The following CDH4 variants were observed in gnomAD, a reference collection of about 807,000 sequenced individuals.
CDH4 encodes cadherin 4.
A neutral mutation model predicts 86.0 loss-of-function variants in CDH4; 33 were observed. That is an observed-to-expected ratio of 0.38 (90% CI 0.29 to 0.51). The LOEUF is 0.51. Ranked by LOEUF, CDH4 falls within the 20% of genes least tolerant of loss-of-function variation. The probability of loss-of-function intolerance (pLI) is 0.86; values close to 1 mark genes in which losing one functional copy is unlikely to be tolerated. For missense variants in CDH4, 1,114 were observed against 1,307.4 expected (o/e 0.85, Z 2.28); for synonymous variants, 555 against 549.4 (o/e 1.01, Z -0.14).
At chr20:61,813,010 G>A (rs117593771) in intron 4 of CDH4, among the ~76,000 whole-genome samples, 8 of 152,246 alleles carry the variant, frequency 5.3e-5, no homozygotes, top group Non-Finnish European at 1.0e-4. Context: ...TCTCCGGGCC[G>A]CAGGGCTGGG....
intron 2 of CDH4, among the ~76,000 whole-genome samples, chr20:61,397,868 C>T (rs1306510043): frequency 6.6e-6 from 1 of 152,144 alleles, no homozygotes; most frequent in African/African-American, 2.4e-5. Context: ...GGTACTGAAA[C>T]TTTAGCATGA....
chr20:61,829,789 C>G lies in CDH4; in HGVS notation c.577-14879C>G, dbSNP rs1232789157. Among the ~76,000 whole-genome samples the G allele has an allele frequency of 6.6e-6, 1 of 152,118 alleles. No homozygotes were observed. Among genetic ancestry groups the G allele is most frequent in the African/African-American group, 2.4e-5 (1 of 41,424 alleles). The stretch of plus-strand genomic sequence containing the variant: ...TCCAGCTTTGGGGCTGATGGCTCTG[C>G]CCCCAGGGAGTCTGTGCAGCCCTCC... On this transcript the variant is annotated intron_variant, in intron 4 of 15. Transcript: ENST00000614565. This position sits in a 1 kb window ranked among gnomAD's most constrained non-coding sequence, Gnocchi z 4.2.
chr20:61,497,292 T>C (rs923712050), intron 2 of CDH4, among the ~76,000 whole-genome samples: 11 of 152,222 alleles, frequency 7.2e-5, no homozygotes, highest in African/African-American at 2.2e-4. Flanking sequence ...TTGTGATGTC[T>C]CTTTTCCTGC....
At chr20:61,903,296 A>G (rs1019601717) in intron 8 of CDH4, among the ~76,000 whole-genome samples, 5 of 152,168 alleles carry the variant, frequency 3.3e-5, no homozygotes, top group African/African-American at 1.2e-4. Flanking sequence ...CTGTAATCCC[A>G]GCACTTTGGG....
At chr20:61,638,690 T>G (rs957591776) in intron 2 of CDH4, among the ~76,000 whole-genome samples, 1 of 152,190 alleles carries the variant, frequency 6.6e-6, no homozygotes, top group Non-Finnish European at 1.5e-5. Flanking sequence ...CTGCCCACAT[T>G]GTGAGTTAAA....
rs1441684040 is a variant in CDH4 at position 61,811,877 on chromosome 20, G to A, written c.577-32791G>A. 6.6e-6 allele frequency among the ~76,000 whole-genome samples: 1 copy of A among 151,934 alleles called. No individual in the cohort carries two copies. The highest frequency in any genetic ancestry group is 2.4e-5 in the African/African-American group (1 of 41,338). On this transcript the variant is annotated intron_variant, in intron 4 of 15. Coordinates refer to ENST00000614565, the MANE Select transcript of CDH4 (RefSeq NM_001794.5). This position sits in a 1 kb window ranked among gnomAD's most constrained non-coding sequence, Gnocchi z 4.4. Reference sequence around the variant, plus strand: ...AGTAGAGATGGGGTTTCACCATGTTGGCCAGGCTGGTCTCGAACTCCTGAC... The same window carrying A: ...AGTAGAGATGGGGTTTCACCATGTTAGCCAGGCTGGTCTCGAACTCCTGAC...
At chr20:61,842,959 C>A (rs562485486) in intron 4 of CDH4, among the ~76,000 whole-genome samples, 1 of 152,158 alleles carries the variant, frequency 6.6e-6, no homozygotes, top group Non-Finnish European at 1.5e-5. Flanking sequence ...TTTTTAAAAG[C>A]CTCTAAAAAT....
At chr20:61,412,298 G>A (rs972945603) in intron 2 of CDH4, among the ~76,000 whole-genome samples, 6 of 152,166 alleles carry the variant, frequency 3.9e-5, no homozygotes, top group Non-Finnish European at 7.4e-5. Flanking sequence ...CCCCAGAGCC[G>A]TCTGTGCAGT....
chr20:61,563,426 C>G (rs1239792037), intron 2 of CDH4, among the ~76,000 whole-genome samples: 2 of 152,252 alleles, frequency 1.3e-5, no homozygotes, highest in African/African-American at 4.8e-5. Context: ...TTCTCCCTCA[C>G]TTGCTCCAGG....
At chr20:61,835,873 A>C (rs1307795647) in intron 4 of CDH4, among the ~76,000 whole-genome samples, 2 of 152,150 alleles carry the variant, frequency 1.3e-5, no homozygotes, top group African/African-American at 4.8e-5. Context: ...CACTGTGTTA[A>C]GGGCTCCCCA....
intron 2 of CDH4, among the ~76,000 whole-genome samples, chr20:61,647,556 TCCCTCTCCCTCTCCCTCCCTCC>T (rs1398386547): frequency 5.7e-5 from 6 of 105,784 alleles, no homozygotes; most frequent in African/African-American, 1.7e-4. Flanking sequence ...CCTCTCCCTC[TCCCTCTCCCTCTCCCTCCCTCC>T]CCCTCTCCTC....
At chr20:61,509,188 G>T (rs948853290) in intron 2 of CDH4, among the ~76,000 whole-genome samples, 16 of 152,120 alleles carry the variant, frequency 1.1e-4, no homozygotes, top group Admixed American at 1.0e-3. Context: ...CTCTGAGACG[G>T]CAGAGGACTT....
At chr20:61,385,820 G>T (rs989131112) in intron 2 of CDH4, among the ~76,000 whole-genome samples, 4 of 144,636 alleles carry the variant, frequency 2.8e-5, no homozygotes. Context: ...TTTAACGTAG[G>T]TGTCATTTAC....
At chr20:61,696,379 G>T (rs2087715014) in intron 2 of CDH4, among the ~76,000 whole-genome samples, 1 of 152,240 alleles carries the variant, frequency 6.6e-6, no homozygotes, top group South Asian at 2.1e-4. Context: ...GGCAGGTGCA[G>T]CACCCCTGGT....
intron 2 of CDH4, among the ~76,000 whole-genome samples, chr20:61,619,478 G>A (rs1162477625): frequency 6.6e-6 from 1 of 152,164 alleles, no homozygotes; most frequent in Non-Finnish European, 1.5e-5. Context: ...ATGATGATTA[G>A]AACTCTCTGA....
chr20:61,822,974 G>C (rs994058333), intron 4 of CDH4, among the ~76,000 whole-genome samples: 4 of 152,234 alleles, frequency 2.6e-5, no homozygotes, highest in Non-Finnish European at 4.4e-5. Context: ...GCAGAACTGG[G>C]GAATGCAGGT....
intron 2 of CDH4, among the ~76,000 whole-genome samples, chr20:61,710,121 G>A (rs954772424): frequency 4.6e-5 from 7 of 152,054 alleles, no homozygotes; most frequent in Admixed American, 2.0e-4. Context: ...AAGCCCTGCC[G>A]GGCGGGTCTG....
intron 4 of CDH4, among the ~76,000 whole-genome samples, chr20:61,842,114 T>TATCAAACG (rs1481495223): frequency 6.6e-6 from 1 of 152,254 alleles, no homozygotes; most frequent in Non-Finnish European, 1.5e-5. Context: ...AGGGATACTC[T>TATCAAACG]ATCAAACGTG....
chr20:61,632,758 A>G (rs984921286), intron 2 of CDH4, among the ~76,000 whole-genome samples: 22 of 145,202 alleles, frequency 1.5e-4, no homozygotes, highest in Non-Finnish European at 2.6e-4. Flanking sequence ...TCACCCATCC[A>G]TCCCTCTACT....
Sources: gnomAD v4.1 joint callset for allele counts (sites outside exome capture counted in the v4.1 genomes callset) on GRCh38, gnomAD v4.1.1 for gene constraint, Gnocchi (gnomAD v3.1) non-coding constraint, MANE v1.5 for transcripts, NCBI Gene and HGNC (gene_info 2026-07-23, HGNC 2026-07-21) for gene names.